The following FCHSD2 variants were observed in gnomAD, a reference collection of about 807,000 sequenced individuals.
FCHSD2 encodes the protein F-BAR and double SH3 domains protein 2.
FCHSD2 carries 38 observed loss-of-function variants against 108.1 expected under a neutral mutation model. The ratio of observed to expected loss-of-function variants is 0.35; its 90% CI spans 0.27 to 0.46. FCHSD2 has a LOEUF of 0.46. Ranked by LOEUF, FCHSD2 falls within the 20% of genes least tolerant of loss-of-function variation. The probability of loss-of-function intolerance (pLI) is 1.00; values close to 1 mark genes in which losing one functional copy is unlikely to be tolerated. For missense variants in FCHSD2, 751 were observed against 897.8 expected, an observed-to-expected ratio of 0.84 and a Z score of 2.09; for synonymous variants, 279 against 314.7, an observed-to-expected ratio of 0.89 and a Z score of 1.20.
chr11:72,846,203 C>T lies in FCHSD2; in HGVS notation c.1444-2671G>A, dbSNP rs150368027. 8.0e-3 allele frequency among the ~76,000 whole-genome samples: 1,132 copies of T among 141,088 alleles called. 20 individuals carry two copies. The highest frequency in any genetic ancestry group is 0.027 in the African/African-American group (1,021 of 37,134). The allele number at this position is 141,088 out of a possible 152,430, so 92.6% of individuals were successfully genotyped here. Reference sequence around the variant, plus strand: ...GCTCTTTTTTTTTTTTTTTTTGAGACGGAGTCTCACAGTGTTGCCCAGGCT... The same window carrying T: ...GCTCTTTTTTTTTTTTTTTTTGAGATGGAGTCTCACAGTGTTGCCCAGGCT... On this transcript the variant is annotated intron_variant, in intron 14 of 19. Coordinates refer to ENST00000409418, the MANE Select transcript of FCHSD2 (RefSeq NM_014824.3).
intron 2 of FCHSD2, among the ~76,000 whole-genome samples, chr11:73,086,615 G>C (rs1344133368): frequency 2.6e-5 from 4 of 152,036 alleles, no homozygotes; most frequent in Admixed American, 2.6e-4. Flanking sequence ...TCTTCAGAAA[G>C]ATCAACAAAA....
chr11:72,931,903 C>T (rs997363059), intron 8 of FCHSD2, among the ~76,000 whole-genome samples: 8 of 152,172 alleles, frequency 5.3e-5, no homozygotes, highest in Non-Finnish European at 8.8e-5. Context: ...TGGGTCAATG[C>T]CATTGTTTCA....
chr11:72,897,422 T>C (rs570894222), intron 10 of FCHSD2, among the ~76,000 whole-genome samples: 6 of 152,112 alleles, frequency 3.9e-5, no homozygotes, highest in East Asian at 1.9e-4. Flanking sequence ...ATTATTAGCA[T>C]AGCATTTACA....
intron 8 of FCHSD2, among the ~76,000 whole-genome samples, chr11:72,934,640 T>G (rs1056358621): frequency 2.6e-5 from 4 of 152,138 alleles, no homozygotes; most frequent in African/African-American, 9.7e-5. Context: ...GGCCATAAAT[T>G]TCTTAATCAA....
At chr11:72,983,419 G>A (rs1341779614) in intron 8 of FCHSD2, among the ~76,000 whole-genome samples, 9 of 152,096 alleles carry the variant, frequency 5.9e-5, no homozygotes, top group East Asian at 5.8e-4. Context: ...GCAGTGAGCC[G>A]TGATCATCAC....
chr11:72,895,974 T>C (rs1022069277), intron 10 of FCHSD2, among the ~76,000 whole-genome samples: 1 of 152,208 alleles, frequency 6.6e-6, no homozygotes, highest in African/African-American at 2.4e-5. Context: ...GTACATTTCC[T>C]GCACAGTATA....
chr11:72,879,319 T>C (rs192752692), intron 12 of FCHSD2, among the ~76,000 whole-genome samples: 4 of 152,228 alleles, frequency 2.6e-5, no homozygotes, highest in Admixed American at 2.6e-4. Flanking sequence ...CAAAACTCAA[T>C]AGTCTTTATA....
intron 3 of FCHSD2, among the ~76,000 whole-genome samples, chr11:73,046,357 G>T (rs1343853861): frequency 6.6e-6 from 1 of 152,054 alleles, no homozygotes; most frequent in Non-Finnish European, 1.5e-5. Flanking sequence ...TAATAAAAAA[G>T]ATATGAATGG....
At chr11:73,124,655 C>G (rs1022338005) in intron 2 of FCHSD2, among the ~76,000 whole-genome samples, 38 of 152,026 alleles carry the variant, frequency 2.5e-4, no homozygotes, top group African/African-American at 7.7e-4. Context: ...ACTCAGGAGG[C>G]TGAGGCAGGA....
At position 73,116,848 on chromosome 11, in the gene FCHSD2, T is replaced by C. The variant is rs553631233; in HGVS notation, c.119+23183A>G. Among the ~76,000 whole-genome samples, 7 of 152,306 alleles carry C rather than the reference T, an allele frequency of 4.6e-5. No individual in the cohort carries two copies. In the East Asian group the frequency reaches 1.3e-3, roughly 29 times the overall value. On this transcript the variant is annotated intron_variant, in intron 2 of 19. Transcript: ENST00000409418. ...CACAGCGCCTGGCCCATATCTCTTT[T>C]TTTAGTTATGAACTCAAATTGTTTC... is the stretch of plus-strand genomic sequence containing the variant.
intron 2 of FCHSD2, among the ~76,000 whole-genome samples, chr11:73,110,754 A>G (rs754174627): frequency 1.3e-5 from 2 of 152,024 alleles, no homozygotes; most frequent in Non-Finnish European, 2.9e-5. Context: ...AAGGTACATC[A>G]TTAGGTTATC....
At position 72,842,760 on chromosome 11, in the gene FCHSD2, A is replaced by G. The variant is rs781752775; in HGVS notation, c.1787T>C (p.Ile596Thr). 3.7e-6 allele frequency: 6 copies of G among 1,613,876 alleles called. No individual in the cohort carries two copies. The African/African-American group carries it at 8.0e-5, about 22-fold the overall frequency. Residue 596 changes from isoleucine (I) to threonine (T), a missense_variant, in exon 17 of 20, where the codon ATC (isoleucine) becomes ACC (threonine). Coordinates refer to ENST00000409418, the MANE Select transcript of FCHSD2 (RefSeq NM_014824.3). ...LSFPEGAIIR[I>T]LNKENQDDDG... ...ATCATCTTGGTTTTCTTTGTTCAAG[A>G]TACGGATTATTGCTCCCTCAGGAAA...
At chr11:73,130,117 G>A (rs935387099) in intron 2 of FCHSD2, among the ~76,000 whole-genome samples, 18 of 152,002 alleles carry the variant, frequency 1.2e-4, no homozygotes, top group African/African-American at 3.1e-4. Flanking sequence ...CTCGTGATCC[G>A]CCCGCCTTGG....
chr11:73,018,410 TG>T, intron 3 of FCHSD2, among the ~76,000 whole-genome samples: 1 of 152,234 alleles, frequency 6.6e-6, no homozygotes, highest in Non-Finnish European at 1.5e-5. Context: ...TCTTCGCCTC[TG>T]GCCCTCTCAC....
At chr11:72,992,779 A>C (rs1180851062) in intron 5 of FCHSD2, among the ~76,000 whole-genome samples, 1 of 152,242 alleles carries the variant, frequency 6.6e-6, no homozygotes, top group Non-Finnish European at 1.5e-5. Flanking sequence ...AAAGACTTAA[A>C]TGTTAGACCT....
intron 3 of FCHSD2, among the ~76,000 whole-genome samples, chr11:73,059,379 G>A (rs944276650): frequency 5.3e-5 from 8 of 152,002 alleles, no homozygotes; most frequent in African/African-American, 1.9e-4. Context: ...GGTTTTCTAG[G>A]ATTAAGAAGT....
chr11:72,949,587 G>C lies in FCHSD2; in HGVS notation c.706-27637C>G, dbSNP rs116062710. On this transcript the variant is annotated intron_variant, in intron 8 of 19. Coordinates refer to ENST00000409418, the MANE Select transcript of FCHSD2 (RefSeq NM_014824.3). ...CACTAATCTACTTTCTACATTTCTG[G>C]ATTTGCCTATTCTGGACAAATGAAA... Among the ~76,000 whole-genome samples the C allele has an allele frequency of 7.8e-3, 1,188 of 152,326 alleles. 14 individuals carry two copies. The highest frequency in any genetic ancestry group is 0.027 in the African/African-American group (1,112 of 41,564).
intron 3 of FCHSD2, among the ~76,000 whole-genome samples, chr11:73,065,180 C>T (rs370930426): frequency 6.6e-6 from 1 of 152,264 alleles, no homozygotes; most frequent in South Asian, 2.1e-4. Context: ...AGCTTCATAC[C>T]TGGGATGTAA....
chr11:73,056,293 G>A (rs891980750), intron 3 of FCHSD2, among the ~76,000 whole-genome samples: 1 of 152,208 alleles, frequency 6.6e-6, no homozygotes, highest in Non-Finnish European at 1.5e-5. Flanking sequence ...AAAGTAAAGA[G>A]ATGGTCTCCA....
Sources: gnomAD v4.1 joint callset for allele counts (sites outside exome capture counted in the v4.1 genomes callset) on GRCh38, gnomAD v4.1.1 for gene constraint, MANE v1.5 for transcripts, NCBI Gene and HGNC (gene_info 2026-07-23, HGNC 2026-07-21) for gene names.